The following SYNPR variants were observed in gnomAD, a reference collection of about 807,000 sequenced individuals.
SYNPR encodes the protein synaptoporin.
SYNPR carries 23 observed loss-of-function variants against 32.9 expected under a neutral mutation model. That is an observed-to-expected ratio of 0.70 (90% CI 0.50 to 0.99). The LOEUF (loss-of-function observed/expected upper bound fraction) is 0.99. Ranked by LOEUF, SYNPR falls within the 50% of genes least tolerant of loss-of-function variation. SYNPR has a pLI of 0.00. For missense variants in SYNPR, 318 were observed against 349.3 expected (o/e 0.91, Z 0.71); for synonymous variants, 146 against 135.9 (o/e 1.07, Z -0.52).
chr3:63,526,025 T>G (rs570586871), intron 3 of SYNPR, among the ~76,000 whole-genome samples: 2 of 152,256 alleles, frequency 1.3e-5, no homozygotes, highest in East Asian at 3.9e-4. Flanking sequence ...AGAGAGCACA[T>G]GGCAAGAGAA....
intron 2 of SYNPR, among the ~76,000 whole-genome samples, chr3:63,406,496 C>T (rs1458799767): frequency 6.6e-6 from 1 of 150,840 alleles, no homozygotes; most frequent in African/African-American, 2.4e-5. Context: ...AAATTAAGAA[C>T]CTAGACTGAG....
At chr3:63,258,356 A>T (rs1234037335) in intron 2 of SYNPR, among the ~76,000 whole-genome samples, 1 of 152,226 alleles carries the variant, frequency 6.6e-6, no homozygotes, top group Non-Finnish European at 1.5e-5. Flanking sequence ...AAGAACAGAA[A>T]TTATGACAAA....
intron 2 of SYNPR, among the ~76,000 whole-genome samples, chr3:63,285,515 G>T (rs935287660): frequency 6.6e-6 from 1 of 152,182 alleles, no homozygotes; most frequent in Non-Finnish European, 1.5e-5. Context: ...CTATATTAAT[G>T]TGGGTTTAAT....
At chr3:63,245,193 G>A (rs1331336159) in intron 1 of SYNPR, among the ~76,000 whole-genome samples, 1 of 151,980 alleles carries the variant, frequency 6.6e-6, no homozygotes, top group Non-Finnish European at 1.5e-5. Context: ...TTCATTTGGA[G>A]TACATAACCA....
chr3:63,272,272 TA>T (rs2086543787), intron 3 of SYNPR, among the ~76,000 whole-genome samples: 1 of 152,136 alleles, frequency 6.6e-6, no homozygotes, highest in African/African-American at 2.4e-5. Context: ...GTTTTACAGA[TA>T]AGGAAACTGA....
intron 2 of SYNPR, among the ~76,000 whole-genome samples, chr3:63,354,983 A>G (rs974830257): frequency 2.2e-4 from 33 of 152,292 alleles, no homozygotes; most frequent in African/African-American, 7.5e-4. Context: ...TATCTTACCT[A>G]AAGTCCCAGA....
At chr3:63,233,021 G>A (rs1276887129) in intron 1 of SYNPR, among the ~76,000 whole-genome samples, 2 of 152,108 alleles carry the variant, frequency 1.3e-5, no homozygotes, top group Non-Finnish European at 2.9e-5. Flanking sequence ...TCATCTGAAA[G>A]TGCATTCAGA....
intron 3 of SYNPR, among the ~76,000 whole-genome samples, chr3:63,505,410 A>T (rs2106743798): frequency 6.6e-6 from 1 of 152,262 alleles, no homozygotes; most frequent in South Asian, 2.1e-4. Flanking sequence ...ACTTCCACAC[A>T]ACAATACTGG....
intron 4 of SYNPR, among the ~76,000 whole-genome samples, chr3:63,571,981 A>C (rs1241260801): frequency 6.6e-6 from 1 of 152,174 alleles, no homozygotes; most frequent in Non-Finnish European, 1.5e-5. Context: ...AGCCCAACAC[A>C]GAGCAGACAT....
chr3:63,340,027 C>G (rs540927290), intron 2 of SYNPR, among the ~76,000 whole-genome samples: 1 of 152,172 alleles, frequency 6.6e-6, no homozygotes, highest in African/African-American at 2.4e-5. Context: ...GTAATCACTC[C>G]TCCTTTTCTA....
chr3:63,522,452 G>A (rs939747896), intron 3 of SYNPR, among the ~76,000 whole-genome samples: 1 of 152,128 alleles, frequency 6.6e-6, no homozygotes, highest in African/African-American at 2.4e-5. Flanking sequence ...CTTCCTTAAG[G>A]GGATTATTGA....
In SYNPR at chr3:63,609,200, G is replaced by A. The variant is rs746040483; in HGVS notation, c.484G>A (p.Val162Ile). 4.3e-5 allele frequency: 70 copies of A among 1,610,608 alleles called. No homozygotes were observed. Among genetic ancestry groups the A allele is most frequent in the African/African-American group, 9.3e-5 (7 of 74,874 alleles). Residue 162 changes from valine to isoleucine, a missense_variant, in exon 5 of 6, where the codon GTC becomes ATC. Val to Ile is a conservative substitution (Grantham distance 29). Coordinates refer to ENST00000478300, the MANE Select transcript of SYNPR (RefSeq NM_001130003.2). ...SSAWAKGLSD[V>I]KVATDPKEVL... ...AGCTTGGGCAAAAGGACTGTCTGACGTCAAAGTTGCAACGGATCCCAAGGA... is the reference window on the plus strand; with the variant it reads ...AGCTTGGGCAAAAGGACTGTCTGACATCAAAGTTGCAACGGATCCCAAGGA...
intron 5 of SYNPR, chr3:63,610,375 C>T (rs1427876344): frequency 3.1e-5 from 15 of 491,606 alleles, no homozygotes; most frequent in Non-Finnish European, 5.1e-5. Context: ...CAGCGGTTAT[C>T]GAAGAATAGA....
chr3:63,519,576 C>A (rs1186469174), intron 3 of SYNPR, among the ~76,000 whole-genome samples: 2 of 152,196 alleles, frequency 1.3e-5, no homozygotes, highest in Non-Finnish European at 2.9e-5. Flanking sequence ...ATCAGTGATG[C>A]CTCTTCTCTG....
rs370742141 is a variant in SYNPR, at chr3:63,572,959, G to T, written c.408+16218G>T. Among the ~76,000 whole-genome samples, 84 of 152,060 alleles carry T rather than the reference G, an allele frequency of 5.5e-4. 1 individual carries two copies. In the Middle Eastern group the frequency reaches 0.017, roughly 31 times the overall value. On this transcript the variant is annotated intron_variant, in intron 4 of 5. Coordinates refer to ENST00000478300, the MANE Select transcript of SYNPR (RefSeq NM_001130003.2). ...GTGATTTTTTTCCTCCCTTAGTTTAGCAGTAATATTAAGACAAAAATGTAG... is the reference window on the plus strand; with the variant it reads ...GTGATTTTTTTCCTCCCTTAGTTTATCAGTAATATTAAGACAAAAATGTAG...
At chr3:63,222,011 A>ATTTTTTTTTTT in the SYNPR span, among the ~76,000 whole-genome samples, 115 of 56,396 alleles carry the variant, frequency 2.0e-3, 11 homozygotes, top group East Asian at 4.7e-3. Context: ...GCCATGCTCA[A>ATTTTTTTTTTT]TTTTTTTTTT....
intron 2 of SYNPR, among the ~76,000 whole-genome samples, chr3:63,262,252 T>C (rs2367773): frequency 0.84 from 127,288 of 152,136 alleles, 53,896 homozygotes; most frequent in African/African-American, 0.91. Flanking sequence ...GAGGAAGAAA[T>C]AGGTGGAAAA....
chr3:63,250,281 T>A (rs575250632), intron 1 of SYNPR, among the ~76,000 whole-genome samples: 2 of 152,054 alleles, frequency 1.3e-5, no homozygotes, highest in Middle Eastern at 6.8e-3. Flanking sequence ...CCAGTCAGTA[T>A]CTCATGCATA....
At chr3:63,429,519 A>G (rs1403700) in intron 2 of SYNPR, among the ~76,000 whole-genome samples, 116,827 of 152,158 alleles carry the variant, frequency 0.77, 45,360 homozygotes, top group East Asian at 0.96. Flanking sequence ...CTTAATAGAC[A>G]TGATTTCTGA....
Sources: gnomAD v4.1 joint callset for allele counts (sites outside exome capture counted in the v4.1 genomes callset) on GRCh38, gnomAD v4.1.1 for gene constraint, MANE v1.5 for transcripts, NCBI Gene and HGNC (gene_info 2026-07-23, HGNC 2026-07-21) for gene names.